Variants in WWOX observed in about 807,000 individuals in gnomAD.
WWOX encodes WW domain containing oxidoreductase.
WWOX carries 69 observed loss-of-function variants against 46.2 expected under a neutral mutation model. The ratio of observed to expected loss-of-function variants is 1.49; its 90% CI spans 1.23 to 1.82. The LOEUF (loss-of-function observed/expected upper bound fraction) is 1.82. WWOX is among the 40% of genes most tolerant of loss of function. The pLI, the probability that WWOX is intolerant of heterozygous loss-of-function variation, is 0.00. For synonymous variants in WWOX, 359 were observed against 202.6 expected (o/e 1.77, Z -6.56); for missense variants, 919 against 542.6 (o/e 1.69, Z -6.89).
chr16:78,731,481 A>G (rs1019263519), intron 8 of WWOX, among the ~76,000 whole-genome samples: 9 of 152,156 alleles, frequency 5.9e-5, no homozygotes, highest in African/African-American at 1.7e-4. Flanking sequence ...GAAGGAATAT[A>G]AGCCTCTGTT....
At chr16:78,550,933 C>G (rs1285481854) in intron 8 of WWOX, 2 of 152,006 alleles carry the variant, frequency 1.3e-5, no homozygotes, top group Non-Finnish European at 2.9e-5. Context: ...ATTGATAAAT[C>G]CACTGTAAGG....
chr16:79,199,726 G>C (rs868510178), intron 8 of WWOX, among the ~76,000 whole-genome samples: 1 of 152,182 alleles, frequency 6.6e-6, no homozygotes, highest in Non-Finnish European at 1.5e-5. Context: ...GATCCAGAGG[G>C]TGTACTGGTA....
At chr16:78,466,428 C>T (rs2084080270) in intron 8 of WWOX, among the ~76,000 whole-genome samples, 1 of 152,142 alleles carries the variant, frequency 6.6e-6, no homozygotes, top group African/African-American at 2.4e-5. Context: ...CTAAATTGTA[C>T]ACTTTGAAAT....
At chr16:78,868,481 A>ACTAT (rs111381785) in intron 8 of WWOX, among the ~76,000 whole-genome samples, 94,888 of 151,382 alleles carry the variant, frequency 0.63, 29,893 homozygotes, top group South Asian at 0.77. Context: ...AAATATACTA[A>ACTAT]CATCAAACTG....
In WWOX at chr16:79,081,897, G is replaced by A. The variant is rs555493299; in HGVS notation, c.1057-129711G>A. On this transcript the variant is annotated intron_variant, in intron 8 of 8. Transcript: ENST00000566780. The stretch of plus-strand genomic sequence containing the variant: ...TTTCTATCCTAGTTTCACTCTGATG[G>A]GCGAGTTCACTCACAGTGAAACCGT... 3.3e-4 allele frequency among the ~76,000 whole-genome samples: 50 copies of A among 152,212 alleles called. No individual in the cohort carries two copies. The South Asian group carries it at 3.9e-3, about 12-fold the overall frequency.
At chr16:78,394,258 A>G (rs1016057656) in intron 6 of WWOX, among the ~76,000 whole-genome samples, 1 of 152,178 alleles carries the variant, frequency 6.6e-6, no homozygotes, top group Non-Finnish European at 1.5e-5. Flanking sequence ...TTGCTTCTCT[A>G]CACAGTATGA....
chr16:78,279,501 T>A (rs906430570), intron 5 of WWOX, among the ~76,000 whole-genome samples: 18 of 152,224 alleles, frequency 1.2e-4, no homozygotes, highest in Non-Finnish European at 2.2e-4. Context: ...AAGAAATCAA[T>A]TTCAATTTCT....
intron 8 of WWOX, among the ~76,000 whole-genome samples, chr16:79,013,245 C>G (rs1019752721): frequency 6.6e-6 from 1 of 152,094 alleles, no homozygotes; most frequent in Non-Finnish European, 1.5e-5. Flanking sequence ...CCCACAGGGT[C>G]GAGAGTGAAT....
intron 6 of WWOX, among the ~76,000 whole-genome samples, chr16:78,422,738 CATATATATACACAT>C (rs1181945132): frequency 2.0e-5 from 2 of 101,430 alleles, no homozygotes; most frequent in African/African-American, 7.0e-5. Context: ...TATACACACA[CATATATATACACAT>C]ATATACACAT....
At chr16:78,511,150 C>A (rs1017297137) in intron 8 of WWOX, among the ~76,000 whole-genome samples, 3 of 152,188 alleles carry the variant, frequency 2.0e-5, no homozygotes, top group African/African-American at 7.2e-5. Flanking sequence ...ACAGCCCTTG[C>A]AACCGCCTGT....
intron 8 of WWOX, among the ~76,000 whole-genome samples, chr16:79,028,836 C>G (rs1220167471): frequency 1.3e-5 from 2 of 151,584 alleles, no homozygotes; most frequent in African/African-American, 4.9e-5. Flanking sequence ...TCAAACCAAC[C>G]TATATCACAA....
intron 4 of WWOX, among the ~76,000 whole-genome samples, chr16:78,129,892 C>T (rs1239047078): frequency 6.6e-6 from 1 of 151,942 alleles, no homozygotes; most frequent in African/African-American, 2.4e-5. Context: ...TGGTTGTGTC[C>T]CCACTGAAAT....
At chr16:78,940,753 T>C (rs893056785) in intron 8 of WWOX, among the ~76,000 whole-genome samples, 5 of 152,008 alleles carry the variant, frequency 3.3e-5, no homozygotes, top group Non-Finnish European at 7.4e-5. Context: ...CTTTCAGTAT[T>C]CATGACGTCA....
chr16:79,184,664 C>G (rs1375604720), intron 8 of WWOX, among the ~76,000 whole-genome samples: 1 of 152,192 alleles, frequency 6.6e-6, no homozygotes, highest in African/African-American at 2.4e-5. Context: ...AAGTCTCCCA[C>G]CCCGTGGTGA....
chr16:78,653,524 T>C (rs997831005), intron 8 of WWOX, among the ~76,000 whole-genome samples: 1 of 152,196 alleles, frequency 6.6e-6, no homozygotes, highest in African/African-American at 2.4e-5. Flanking sequence ...ATGAGGAAGG[T>C]TTCCTACTCC....
intron 5 of WWOX, among the ~76,000 whole-genome samples, chr16:78,226,040 A>T (rs2037043704): frequency 6.6e-6 from 1 of 152,214 alleles, no homozygotes; most frequent in Admixed American, 6.5e-5. Context: ...CAAAACAACG[A>T]AAACTTGGCA....
rs1052871745 is a variant in WWOX at position 78,918,681 on chromosome 16, C to G, written c.1057-292927C>G. On this transcript the variant is annotated intron_variant, in intron 8 of 8. Transcript: ENST00000566780. The stretch of plus-strand genomic sequence containing the variant: ...TGAAATCAGCTCCATCCTGAAAGCA[C>G]TGCATCCATTATCTTATTCTAGTCT... 6.6e-5 allele frequency among the ~76,000 whole-genome samples: 10 copies of G among 152,332 alleles called. No homozygotes were observed. The South Asian group carries it at 1.2e-3, about 19-fold the overall frequency.
intron 8 of WWOX, among the ~76,000 whole-genome samples, chr16:78,708,816 C>T (rs1171984153): frequency 6.6e-6 from 1 of 152,098 alleles, no homozygotes; most frequent in Admixed American, 6.6e-5. Context: ...AGGTGTTGGC[C>T]ATAAAAAAAT....
intron 4 of WWOX, among the ~76,000 whole-genome samples, chr16:78,117,533 G>A (rs1383288058): frequency 1.3e-5 from 2 of 152,178 alleles, no homozygotes; most frequent in African/African-American, 4.8e-5. Context: ...TCTGAAGAAA[G>A]GAAGAGGCTG....
Sources: gnomAD v4.1 joint callset for allele counts (sites outside exome capture counted in the v4.1 genomes callset) on GRCh38, gnomAD v4.1.1 for gene constraint, MANE v1.5 for transcripts, NCBI Gene and HGNC (gene_info 2026-07-23, HGNC 2026-07-21) for gene names.